PCDHGA1: variants seen among roughly 807,000 people sequenced by gnomAD.
PCDHGA1 encodes protocadherin gamma-A1.
In PCDHGA1, 32 loss-of-function variants were observed where a neutral mutation model predicts 58.0. The observed-to-expected ratio is 0.55, with a 90% CI of 0.42 to 0.74. PCDHGA1 has a LOEUF of 0.74. Among genes scored for constraint, PCDHGA1 ranks in the 30% least tolerant of loss-of-function variants. The pLI is 0.00. For synonymous variants in PCDHGA1, 498 were observed against 501.1 expected, an observed-to-expected ratio of 0.99 and a Z score of 0.08; for missense variants, 1,205 against 1,182.3, an observed-to-expected ratio of 1.02 and a Z score of -0.28.
chr5:141,408,634 A>C, intron 1 of PCDHGA1: 2 of 1,614,040 alleles, frequency 1.2e-6, no homozygotes, highest in South Asian at 2.2e-5. Flanking sequence ...AAATTTTCGA[A>C]TCTGCATCCG....
At chr5:141,459,603 A>G (rs867387156) in intron 1 of PCDHGA1, among the ~76,000 whole-genome samples, 1 of 152,244 alleles carries the variant, frequency 6.6e-6, no homozygotes, top group Non-Finnish European at 1.5e-5. Flanking sequence ...AATGGGAAGT[A>G]TATGCTTAAC....
Position 141,393,820 on chromosome 5 carries a change from CG to C in PCDHGA1, c.2421+60717del, listed in dbSNP as rs370400807. Reference sequence around the variant, plus strand: ...CTGGGGAGGACCAAATTGCTCATTTCGGTGGAAGATGTAAATGACAATAGAC... The same window carrying C: ...CTGGGGAGGACCAAATTGCTCATTTCGTGGAAGATGTAAATGACAATAGAC... On this transcript the variant is annotated intron_variant, in intron 1 of 3. Transcript: ENST00000517417. The C allele has an allele frequency of 9.3e-6, 15 of 1,613,800 alleles. No individual in the cohort carries two copies. In the African/African-American group the frequency reaches 9.3e-5, roughly 10 times the overall value.
intron 1 of PCDHGA1, among the ~76,000 whole-genome samples, chr5:141,463,839 T>C (rs1356261890): frequency 1.3e-5 from 2 of 152,240 alleles, no homozygotes; most frequent in African/African-American, 4.8e-5. Flanking sequence ...TTCCCAGTTG[T>C]TATAGTGGTA....
At chr5:141,393,224 T>C in intron 1 of PCDHGA1, 1 of 1,613,670 alleles carries the variant, frequency 6.2e-7, no homozygotes, top group South Asian at 1.1e-5. Flanking sequence ...AGGTCGAAGA[T>C]CTAGAAGTAA....
intron 1 of PCDHGA1, chr5:141,392,986 A>G (rs573495684): frequency 1.9e-6 from 3 of 1,613,454 alleles, no homozygotes; most frequent in East Asian, 4.5e-5. Context: ...GACCCCCGGA[A>G]GCTGGCGAAG....
At chr5:141,400,609 A>G (rs376731583) in intron 1 of PCDHGA1, 129 of 1,577,604 alleles carry the variant, frequency 8.2e-5, no homozygotes, top group South Asian at 3.2e-4. Flanking sequence ...TTCAAGTCCA[A>G]TGAGTTGTCT....
intron 1 of PCDHGA1, chr5:141,433,291 T>C: frequency 9.1e-7 from 1 of 1,094,048 alleles, no homozygotes; most frequent in Non-Finnish European, 1.3e-6. Context: ...ACTCCTAGGC[T>C]CAAGCAATTA....
In PCDHGA1 at chr5:141,332,049, C is replaced by T. The variant is rs1170418069; in HGVS notation, c.1365C>T (p.Asp455=). 6.2e-7 allele frequency: 1 copy of T among 1,614,182 alleles called. No homozygotes were observed. The highest frequency in any genetic ancestry group is 1.1e-5 in the South Asian group (1 of 91,078). The change falls in exon 1 of 4, where the codon GAC becomes GAT. Residue 455 remains aspartate (D), a synonymous_variant. Transcript: ENST00000517417. The surrounding 1 kb of genome is among the most constrained non-coding windows in gnomAD (Gnocchi z 4.6). Reference sequence around the variant, plus strand: ...ACAACTCCCCAGTCTTCCATCAGGACTCCTACTCTGCCTACATTCCCGAAA... The same window carrying T: ...ACAACTCCCCAGTCTTCCATCAGGATTCCTACTCTGCCTACATTCCCGAAA... ...INDNSPVFHQ[D]SYSAYIPENN... is the part of the protein sequence containing the mutation.
intron 1 of PCDHGA1, among the ~76,000 whole-genome samples, chr5:141,463,117 A>G (rs2099053039): frequency 6.6e-6 from 1 of 152,196 alleles, no homozygotes; most frequent in African/African-American, 2.4e-5. Context: ...TTCAGCTAAT[A>G]GCTCCCTGGC....
rs1182148013 is a variant in PCDHGA1, at chr5:141,431,510, G to C, written c.2422-63297G>C. On this transcript the variant is annotated intron_variant, in intron 1 of 3. Transcript: ENST00000517417. This position sits in a 1 kb window ranked among gnomAD's most constrained non-coding sequence, Gnocchi z 4.8. ...TGCTCAGCCCGAGTACCGCGCGAGC[G>C]TTCCGGAGAATCTGGCCTTGGGCAC... 6.2e-7 allele frequency: 1 copy of C among 1,614,022 alleles called. No homozygotes were observed. The highest frequency in any genetic ancestry group is 8.5e-7 in the Non-Finnish European group (1 of 1,180,026).
chr5:141,350,655 C>T (rs1758531876), intron 1 of PCDHGA1: 1 of 1,613,884 alleles, frequency 6.2e-7, no homozygotes, highest in African/African-American at 1.3e-5. Context: ...CGTTTCGTTG[C>T]AAAAGGCATT....
In PCDHGA1 at chr5:141,502,866, CT is replaced by C. The variant is rs549047197; in HGVS notation, c.2481-2513del. Among the ~76,000 whole-genome samples the C allele has an allele frequency of 2.5e-3, 324 of 127,930 alleles. 1 individual carries two copies. Among genetic ancestry groups the C allele is most frequent in the Non-Finnish European group, 3.0e-3 (189 of 62,366 alleles). 83.9% of individuals were successfully genotyped at this position (127,930 alleles called of 152,430 possible). On this transcript the variant is annotated intron_variant, in intron 2 of 3. Transcript: ENST00000517417. ...GAGCTGCCTAACCCTGACTCTCTGT[CT>C]TTTTTTTTTTTTTGACAGGGAGTCT...
chr5:141,419,481 C>T (rs2096389716), intron 1 of PCDHGA1: 1 of 1,612,422 alleles, frequency 6.2e-7, no homozygotes, highest in East Asian at 2.2e-5. Flanking sequence ...GGCTCGCCCG[C>T]GCTCAGCGCC....
At chr5:141,494,195 C>T in intron 1 of PCDHGA1, among the ~76,000 whole-genome samples, 1 of 152,188 alleles carries the variant, frequency 6.6e-6, no homozygotes, top group Non-Finnish European at 1.5e-5. Flanking sequence ...GACTTGGATG[C>T]CCCGCAAAGG....
intron 1 of PCDHGA1, among the ~76,000 whole-genome samples, chr5:141,354,688 A>T (rs1249702605): frequency 6.6e-6 from 1 of 152,196 alleles, no homozygotes; most frequent in Non-Finnish European, 1.5e-5. Flanking sequence ...TATGTCCCTC[A>T]CACAATACGC....
chr5:141,378,356 C>G (rs1244158802), intron 1 of PCDHGA1: 2 of 152,218 alleles, frequency 1.3e-5, no homozygotes, highest in African/African-American at 4.8e-5. Flanking sequence ...AACCCCGTCT[C>G]TACTAAAAAT....
chr5:141,394,184 C>T (rs1277537550), intron 1 of PCDHGA1: 1 of 1,613,944 alleles, frequency 6.2e-7, no homozygotes, highest in Non-Finnish European at 8.5e-7. Flanking sequence ...ATGCCTCCTA[C>T]TCAGCGTATA....
intron 1 of PCDHGA1, chr5:141,478,432 G>T (rs1238011675): frequency 6.2e-7 from 1 of 1,613,728 alleles, no homozygotes; most frequent in Admixed American, 1.7e-5. Context: ...GCGACCCGCT[G>T]CTGAAGAAAC....
chr5:141,507,781 C>A (rs2099863256), intron 3 of PCDHGA1, among the ~76,000 whole-genome samples: 1 of 152,214 alleles, frequency 6.6e-6, no homozygotes, highest in South Asian at 2.1e-4. Flanking sequence ...CAGGGCCTGA[C>A]CCTCGTCTAA....
Sources: allele counts gnomAD v4.1 joint callset (sites outside exome capture counted in the v4.1 genomes callset), GRCh38; gene constraint gnomAD v4.1.1; non-coding constraint Gnocchi (gnomAD v3.1); transcripts MANE v1.5; gene names NCBI Gene and HGNC (gene_info 2026-07-23, HGNC 2026-07-21).